Variants in CDH6 observed in about 807,000 individuals in gnomAD.
The protein encoded by CDH6 is cadherin 6.
Under a neutral mutation model 78.0 loss-of-function variants are expected in CDH6, and 31 were observed. That is an observed-to-expected ratio of 0.40 (90% CI 0.30 to 0.54). CDH6 has a LOEUF of 0.54. Among genes scored for constraint, CDH6 ranks in the 20% least tolerant of loss-of-function variants. The probability of loss-of-function intolerance (pLI) is 0.56; values close to 1 mark genes in which losing one functional copy is unlikely to be tolerated. For synonymous variants in CDH6, 376 were observed against 368.8 expected, an observed-to-expected ratio of 1.02 and a Z score of -0.23; for missense variants, 724 against 975.9, an observed-to-expected ratio of 0.74 and a Z score of 3.44.
intron 1 of CDH6, among the ~76,000 whole-genome samples, chr5:31,224,303 C>T (rs955674785): frequency 3.9e-5 from 6 of 152,246 alleles, no homozygotes; most frequent in Admixed American, 1.3e-4. Context: ...ACAAGAAATA[C>T]CTGCCCCCAT....
intron 2 of CDH6, among the ~76,000 whole-genome samples, chr5:31,281,310 A>G (rs1297331554): frequency 1.4e-5 from 2 of 139,396 alleles, no homozygotes; most frequent in African/African-American, 2.7e-5. Flanking sequence ...AAAGAGAGAG[A>G]GAGGGAGAAA....
intron 1 of CDH6, among the ~76,000 whole-genome samples, chr5:31,264,811 T>G (rs2149932011): frequency 6.6e-6 from 1 of 152,340 alleles, no homozygotes; most frequent in South Asian, 2.1e-4. Flanking sequence ...ACTTAAATTT[T>G]TATCACTTAA....
At chr5:31,281,123 A>G (rs925534835) in intron 2 of CDH6, among the ~76,000 whole-genome samples, 2 of 152,340 alleles carry the variant, frequency 1.3e-5, no homozygotes, top group South Asian at 4.1e-4. Context: ...AAAAGTCAAC[A>G]TAAAAGAATA....
chr5:31,241,299 T>TGACA (rs111550590), intron 1 of CDH6, among the ~76,000 whole-genome samples: 1 of 152,072 alleles, frequency 6.6e-6, no homozygotes, highest in East Asian at 1.9e-4. Flanking sequence ...TTTCCTAAGA[T>TGACA]GATAGACCCA....
intron 1 of CDH6, among the ~76,000 whole-genome samples, chr5:31,231,799 A>G (rs572371798): frequency 6.6e-6 from 1 of 152,338 alleles, no homozygotes; most frequent in South Asian, 2.1e-4. Flanking sequence ...AAATTTCAAC[A>G]TAAGTTTTGG....
At chr5:31,195,632 C>T (rs979686817) in intron 1 of CDH6, among the ~76,000 whole-genome samples, 16 of 152,122 alleles carry the variant, frequency 1.1e-4, no homozygotes, top group Non-Finnish European at 1.9e-4. Context: ...CAGATGTCTT[C>T]ATTATGTCAT....
chr5:31,317,155 C>A (rs968986166), intron 9 of CDH6, among the ~76,000 whole-genome samples: 2 of 152,178 alleles, frequency 1.3e-5, no homozygotes, highest in Non-Finnish European at 2.9e-5. Flanking sequence ...AAACATCCTA[C>A]AATGCACAGG....
At chr5:31,212,816 A>C (rs1363099116) in intron 1 of CDH6, among the ~76,000 whole-genome samples, 1 of 152,096 alleles carries the variant, frequency 6.6e-6, no homozygotes, top group Non-Finnish European at 1.5e-5. Context: ...CCCAAATAAA[A>C]TAGGAGAATT....
chr5:31,304,957 A>G lies in CDH6; in HGVS notation c.1000-217A>G, dbSNP rs13357300. Among the ~76,000 whole-genome samples, 1,959 of 152,250 alleles carry G rather than the reference A, an allele frequency of 0.013. 47 individuals carry two copies. Among genetic ancestry groups the G allele is most frequent in the African/African-American group, 0.045 (1,870 of 41,558 alleles). On this transcript the variant is annotated intron_variant, in intron 6 of 11. Coordinates refer to ENST00000265071, the MANE Select transcript of CDH6 (RefSeq NM_004932.4). The stretch of plus-strand genomic sequence containing the variant: ...TGTGTGGCTTCTGAACTCCTTCACA[A>G]ACTTTATAATCGTTTCCTGCCTAAC...
chr5:31,294,648 C>A lies in CDH6; in HGVS notation c.523+392C>A, dbSNP rs1737531916. ...AATAGAAAATAAAAGCTTACATTTACAATCCAGTCTAAAAAGTAGTGATAG... is the reference window on the plus strand; with the variant it reads ...AATAGAAAATAAAAGCTTACATTTAAAATCCAGTCTAAAAAGTAGTGATAG... On this transcript the variant is annotated intron_variant, in intron 3 of 11. Coordinates refer to ENST00000265071, the MANE Select transcript of CDH6 (RefSeq NM_004932.4). This position sits in a 1 kb window ranked among gnomAD's most constrained non-coding sequence, Gnocchi z 4.1. Among the ~76,000 whole-genome samples, 1 of 152,158 alleles carries A rather than the reference C, an allele frequency of 6.6e-6. No homozygotes were observed. Among genetic ancestry groups the A allele is most frequent in the African/African-American group, 2.4e-5 (1 of 41,444 alleles).
chr5:31,313,098 G>C (rs2149957624), intron 7 of CDH6, among the ~76,000 whole-genome samples: 1 of 152,188 alleles, frequency 6.6e-6, no homozygotes, highest in South Asian at 2.1e-4. Flanking sequence ...AACTTGTCTA[G>C]TGAGTTTACT....
At chr5:31,234,622 C>T (rs1212050452) in intron 1 of CDH6, among the ~76,000 whole-genome samples, 2 of 152,134 alleles carry the variant, frequency 1.3e-5, no homozygotes, top group Non-Finnish European at 2.9e-5. Flanking sequence ...CCTTCCTTTC[C>T]ACTTCTTTGC....
chr5:31,321,342 G>A (rs1423697418), intron 11 of CDH6, among the ~76,000 whole-genome samples: 1 of 152,148 alleles, frequency 6.6e-6, no homozygotes, highest in Non-Finnish European at 1.5e-5. Context: ...AAGTGGCAAA[G>A]TTACATTTCC....
At position 31,204,951 on chromosome 5, in the gene CDH6, A is replaced by T. The variant is rs572228127; in HGVS notation, c.-129+11065A>T. On this transcript the variant is annotated intron_variant, in intron 1 of 11. Transcript: ENST00000265071. Reference sequence around the variant, plus strand: ...GTGTTCCTAAGAATGATATTCAGCCAAGACTTTTGGGAAAATCCATTATTT... The same window carrying T: ...GTGTTCCTAAGAATGATATTCAGCCTAGACTTTTGGGAAAATCCATTATTT... Among the ~76,000 whole-genome samples, 32 of 152,322 alleles carry T rather than the reference A, an allele frequency of 2.1e-4. No individual in the cohort carries two copies. The South Asian group carries it at 6.6e-3, about 32-fold the overall frequency.
At chr5:31,263,921 C>A (rs565986501) in intron 1 of CDH6, among the ~76,000 whole-genome samples, 1 of 152,242 alleles carries the variant, frequency 6.6e-6, no homozygotes, top group African/African-American at 2.4e-5. Context: ...TTTCTTTCAC[C>A]TGAATAAAGA....
intron 1 of CDH6, among the ~76,000 whole-genome samples, chr5:31,208,953 A>G (rs1220140164): frequency 2.1e-4 from 32 of 152,176 alleles, no homozygotes; most frequent in Admixed American, 2.1e-3. Context: ...CTTCATGAAT[A>G]TTGCTTGGCA....
intron 1 of CDH6, chr5:31,250,174 G>C (rs1270817111): frequency 6.6e-6 from 1 of 152,250 alleles, no homozygotes; most frequent in Non-Finnish European, 1.5e-5. Context: ...TAACCAAAGA[G>C]CTCGGCACTG....
chr5:31,229,097 G>A (rs1448575787), intron 1 of CDH6, among the ~76,000 whole-genome samples: 2 of 152,182 alleles, frequency 1.3e-5, no homozygotes, highest in African/African-American at 2.4e-5. Flanking sequence ...CCATTTCCAA[G>A]GGTACCAACT....
chr5:31,204,553 A>T, intron 1 of CDH6, among the ~76,000 whole-genome samples: 1 of 152,246 alleles, frequency 6.6e-6, no homozygotes, highest in East Asian at 1.9e-4. Context: ...ATTGGGCACT[A>T]TAGAATAAAA....
Sources: gnomAD v4.1 joint callset for allele counts (sites outside exome capture counted in the v4.1 genomes callset) on GRCh38, gnomAD v4.1.1 for gene constraint, Gnocchi (gnomAD v3.1) non-coding constraint, MANE v1.5 for transcripts, NCBI Gene and HGNC (gene_info 2026-07-23, HGNC 2026-07-21) for gene names.